CLVS1: variants seen among roughly 807,000 people sequenced by gnomAD.
CLVS1 encodes the protein clavesin-1.
In CLVS1, 10 loss-of-function variants were observed where a neutral mutation model predicts 33.1. The observed-to-expected ratio is 0.30, with a 90% CI of 0.19 to 0.51. The LOEUF (loss-of-function observed/expected upper bound fraction) is 0.51, where lower values mean the gene tolerates loss of function less well. CLVS1 is among the 20% of genes least tolerant of loss of function. CLVS1 has a pLI of 0.97. For missense variants in CLVS1, 343 were observed against 433.4 expected (o/e 0.79, Z 1.85); for synonymous variants, 163 against 166.1 (o/e 0.98, Z 0.14).
chr8:61,268,705 C>T lies in CLVS1; in HGVS notation c.-151-30972C>T, dbSNP rs1226091165. ...TGTTTCCTGACTTTTTAGTGATTGC[C>T]ATTCTAACTGGTGTGAGATGGTATC... On this transcript the variant is annotated intron_variant, in intron 2 of 2. Transcript: ENST00000522621. Among the ~76,000 whole-genome samples the T allele has an allele frequency of 2.5e-4, 35 of 137,368 alleles. No homozygotes were observed. The South Asian group carries it at 3.0e-3, about 12-fold the overall frequency. The allele number at this position is 137,368 out of a possible 152,430, so 90.1% of individuals were successfully genotyped here.
At chr8:61,321,835 C>G (rs1459556636) in intron 2 of CLVS1, among the ~76,000 whole-genome samples, 1 of 152,122 alleles carries the variant, frequency 6.6e-6, no homozygotes, top group African/African-American at 2.4e-5. Flanking sequence ...AATCTTCTCT[C>G]CTTCAAGTTT....
chr8:60,996,512 A>G, the CLVS1 span, among the ~76,000 whole-genome samples: 2 of 152,208 alleles, frequency 1.3e-5, no homozygotes, highest in South Asian at 2.1e-4. Flanking sequence ...AGAAAAGTGG[A>G]AATTTCTCTT....
intron 2 of CLVS1, among the ~76,000 whole-genome samples, chr8:61,263,438 G>T (rs1563468281): frequency 6.6e-6 from 1 of 152,128 alleles, no homozygotes; most frequent in Non-Finnish European, 1.5e-5. Flanking sequence ...AAATAATGAA[G>T]CCCCACTGGG....
chr8:61,021,694 A>C, the CLVS1 span, among the ~76,000 whole-genome samples: 1 of 152,038 alleles, frequency 6.6e-6, no homozygotes, highest in Non-Finnish European at 1.5e-5. Context: ...CAAAGGAATT[A>C]ATTTTTCTAT....
chr8:61,318,297 T>C (rs1811079076), intron 2 of CLVS1, among the ~76,000 whole-genome samples: 2 of 152,314 alleles, frequency 1.3e-5, no homozygotes, highest in East Asian at 1.9e-4. Flanking sequence ...TTTGATATCA[T>C]TGTTTTTTAA....
intron 5 of CLVS1, among the ~76,000 whole-genome samples, chr8:61,485,861 C>T (rs888165466): frequency 1.3e-5 from 2 of 152,040 alleles, no homozygotes; most frequent in African/African-American, 4.8e-5. Context: ...AACCAAACAC[C>T]ACATGTTCTC....
intron 3 of CLVS1, among the ~76,000 whole-genome samples, chr8:61,408,516 C>A (rs1815084672): frequency 6.6e-6 from 1 of 152,194 alleles, no homozygotes; most frequent in Admixed American, 6.5e-5. Flanking sequence ...AATCAACCCA[C>A]CAGGCCAGGG....
intron 2 of CLVS1, among the ~76,000 whole-genome samples, chr8:61,196,372 C>T (rs1234803242): frequency 6.6e-6 from 1 of 152,116 alleles, no homozygotes; most frequent in African/African-American, 2.4e-5. Context: ...ACCTAACTTA[C>T]AATAAAATGC....
At chr8:61,013,346 C>T in the CLVS1 span, among the ~76,000 whole-genome samples, 1 of 152,218 alleles carries the variant, frequency 6.6e-6, no homozygotes, top group Non-Finnish European at 1.5e-5. Context: ...CTCTGGTCCC[C>T]AGCTGTGGCT....
chr8:61,020,377 A>G, the CLVS1 span, among the ~76,000 whole-genome samples: 1 of 152,236 alleles, frequency 6.6e-6, no homozygotes, highest in Non-Finnish European at 1.5e-5. Flanking sequence ...TAGCTTATTC[A>G]TAATAATGAT....
intron 5 of CLVS1, among the ~76,000 whole-genome samples, chr8:61,466,657 A>T (rs1446468707): frequency 6.6e-6 from 1 of 151,988 alleles, no homozygotes; most frequent in African/African-American, 2.4e-5. Context: ...TTTTATTATT[A>T]TTTTTTTGAG....
the CLVS1 span, among the ~76,000 whole-genome samples, chr8:61,022,830 C>G: frequency 6.6e-6 from 1 of 152,218 alleles, no homozygotes; most frequent in African/African-American, 2.4e-5. Context: ...TATACGCACG[C>G]CTCGATATCT....
At chr8:61,211,275 A>G (rs188595048) in intron 2 of CLVS1, among the ~76,000 whole-genome samples, 2 of 152,224 alleles carry the variant, frequency 1.3e-5, no homozygotes, top group East Asian at 1.9e-4. Context: ...CGAGAATCCA[A>G]TGAGGAGTCT....
rs1554548394 is a variant in CLVS1 at position 61,232,041 on chromosome 8, T to TTTTTTTTTTTTG, written c.-151-67627_-151-67626insTTGTTTTTTTTT. ...AGTTGTGGTTTTTTTTTTTTTTTTT[T>TTTTTTTTTTTTG]TTTTTTTTTGTGAGATGGAGTCTCG... On this transcript the variant is annotated intron_variant, in intron 2 of 2. Transcript: ENST00000522621. Among the ~76,000 whole-genome samples the TTTTTTTTTTTTG allele has an allele frequency of 6.9e-3, 800 of 115,718 alleles. 20 individuals carry two copies. The highest frequency in any genetic ancestry group is 0.029 in the East Asian group (103 of 3,610). 75.9% of individuals were successfully genotyped at this position (115,718 alleles called of 152,430 possible).
intron 3 of CLVS1, among the ~76,000 whole-genome samples, chr8:61,421,473 T>C (rs978614956): frequency 6.6e-6 from 1 of 152,212 alleles, no homozygotes; most frequent in African/African-American, 2.4e-5. Flanking sequence ...GTAGCCCACA[T>C]CTGGCTGATT....
chr8:61,288,234 G>A (rs769975384), intron 1 of CLVS1, 96 bp downstream of exon 1: 6 of 456,128 alleles, frequency 1.3e-5, no homozygotes, highest in African/African-American at 6.0e-5. Context: ...TCAGCACTTC[G>A]GTATGTGGAC....
At chr8:61,099,784 C>A (rs561144360) in intron 1 of CLVS1, among the ~76,000 whole-genome samples, 1 of 152,128 alleles carries the variant, frequency 6.6e-6, no homozygotes, top group African/African-American at 2.4e-5. Context: ...CTAATGTGGG[C>A]AAACTAATAT....
At chr8:61,240,725 C>CTTTTATTA (rs557893493) in intron 2 of CLVS1, among the ~76,000 whole-genome samples, 250 of 152,018 alleles carry the variant, frequency 1.6e-3, no homozygotes, top group African/African-American at 5.4e-3. Context: ...AATACTAACA[C>CTTTTATTA]TTTTATTATT....
At chr8:61,332,682 C>A (rs1269713028) in intron 2 of CLVS1, among the ~76,000 whole-genome samples, 1 of 152,016 alleles carries the variant, frequency 6.6e-6, no homozygotes, top group East Asian at 1.9e-4. Flanking sequence ...TCTCTGTTGC[C>A]CAGGCTGGAG....
Sources: gnomAD v4.1 joint callset for allele counts (sites outside exome capture counted in the v4.1 genomes callset) on GRCh38, gnomAD v4.1.1 for gene constraint, MANE v1.5 for transcripts, NCBI Gene and HGNC (gene_info 2026-07-23, HGNC 2026-07-21) for gene names.